Variants in B4GALNT3 observed in about 807,000 individuals in gnomAD.
The protein encoded by B4GALNT3 is beta-1,4-N-acetylgalactosaminyltransferase 3.
A neutral mutation model predicts 120.2 loss-of-function variants in B4GALNT3; 86 were observed. The ratio of observed to expected loss-of-function variants is 0.72; its 90% CI spans 0.60 to 0.86. The LOEUF (loss-of-function observed/expected upper bound fraction) is 0.86, where lower values mean the gene tolerates loss of function less well. Among genes scored for constraint, B4GALNT3 ranks in the 40% least tolerant of loss-of-function variants. The pLI, the probability that B4GALNT3 is intolerant of heterozygous loss-of-function variation, is 0.00. For synonymous variants in B4GALNT3, 518 were observed against 510.4 expected, an observed-to-expected ratio of 1.01 and a Z score of -0.20; for missense variants, 1,167 against 1,298.9, an observed-to-expected ratio of 0.90 and a Z score of 1.56.
chr12:541,624 G>A (rs1343917693), intron 3 of B4GALNT3, among the ~76,000 whole-genome samples: 2 of 152,172 alleles, frequency 1.3e-5, no homozygotes, highest in Non-Finnish European at 2.9e-5. Flanking sequence ...CAGCCTGAGA[G>A]TGGGGTGAAG....
At chr12:480,306 C>G (rs1449683047) in intron 1 of B4GALNT3, among the ~76,000 whole-genome samples, 1 of 152,170 alleles carries the variant, frequency 6.6e-6, no homozygotes, top group Non-Finnish European at 1.5e-5. Context: ...TAAGAATACT[C>G]TTGTGGGATT....
chr12:520,557 A>G (rs1946697945), intron 1 of B4GALNT3, among the ~76,000 whole-genome samples: 1 of 152,270 alleles, frequency 6.6e-6, no homozygotes. Flanking sequence ...AATCCTGCTC[A>G]GTAGTTTAAT....
rs562473338 is a variant in B4GALNT3, at chr12:462,699, A to G, written c.169+2154A>G. 9.3e-4 allele frequency among the ~76,000 whole-genome samples: 141 copies of G among 151,822 alleles called. 1 individual carries two copies. The highest frequency in any genetic ancestry group is 3.3e-3 in the African/African-American group (135 of 41,336). ...CCTCTTAGAACCCTGAAATTCATCT[A>G]TTGTGCAGGGTGTCTTTTTGTCCTG... On this transcript the variant is annotated intron_variant, in intron 1 of 19. Transcript: ENST00000266383.
At chr12:544,299 G>A in intron 3 of B4GALNT3, 40 bp from the exon 4 acceptor site, 1 of 1,592,980 alleles carries the variant, frequency 6.3e-7, no homozygotes, top group Non-Finnish European at 8.6e-7. Context: ...CGGGCATGGG[G>A]TGCTCACGCT....
Position 544,265 on chromosome 12 carries a change from C to T in B4GALNT3, c.352-74C>T. 3.5e-6 allele frequency: 5 copies of T among 1,420,610 alleles called. 1 individual carries two copies. Among genetic ancestry groups the T allele is most frequent in the South Asian group, 3.5e-5 (3 of 85,870 alleles). The allele number at this position is 1,420,610 out of a possible 1,614,324, so 88.0% of individuals were successfully genotyped here. A position where few individuals can be genotyped will look rare whatever the true frequency, so the allele number is the denominator to read the frequency against. The stretch of plus-strand genomic sequence containing the variant: ...TCTGGGGCGGGCATGGGATGCTCAT[C>T]CCCCTGGAGCTGAGGATCTGGGGCG... On this transcript the variant is annotated intron_variant, in intron 3 of 19. Transcript: ENST00000266383.
rs1212322421 is a variant in B4GALNT3, at chr12:535,271, T to C, written c.273+2T>C. 6.2e-7 allele frequency: 1 copy of C among 1,612,428 alleles called. No homozygotes were observed. Among genetic ancestry groups the C allele is most frequent in the African/African-American group, 1.3e-5 (1 of 74,822 alleles). ...CATCCCCAGAGGCTGAGCCTCGAGG[T>C]AGGTGACCAGCCAGTCCATTGTCCC... On this transcript the variant is annotated splice_donor_variant, in intron 2 of 19. Transcript: ENST00000266383. LOFTEE classifies it high-confidence loss of function.
At chr12:494,904 G>A (rs1162797127) in intron 1 of B4GALNT3, among the ~76,000 whole-genome samples, 9 of 152,154 alleles carry the variant, frequency 5.9e-5, no homozygotes, top group Admixed American at 4.6e-4. Context: ...GGTTTCACTC[G>A]TTAGGTTGAA....
chr12:480,472 G>T (rs215220), intron 1 of B4GALNT3, among the ~76,000 whole-genome samples: 110 of 80,744 alleles, frequency 1.4e-3, no homozygotes, highest in South Asian at 3.6e-3. Flanking sequence ...ATTACGGAAG[G>T]CTTGACGGCC....
At chr12:465,495 A>G (rs1180018372) in intron 1 of B4GALNT3, among the ~76,000 whole-genome samples, 1 of 149,828 alleles carries the variant, frequency 6.7e-6, no homozygotes, top group African/African-American at 2.5e-5. Flanking sequence ...AATACAGAAG[A>G]TAAGCGATAA....
Position 548,612 on chromosome 12 carries a change from G to C in B4GALNT3, c.853+315G>C, listed in dbSNP as rs11063534. On this transcript the variant is annotated intron_variant, in intron 9 of 19. Coordinates refer to ENST00000266383, the MANE Select transcript of B4GALNT3 (RefSeq NM_173593.4). This position sits in a 1 kb window ranked among gnomAD's most constrained non-coding sequence, Gnocchi z 4.9. Reference sequence around the variant, plus strand: ...GTCCAGAGACTGTGAGCTCACACCAGATCTAAAAACTCTGAGGCTGGGTGC... The same window carrying C: ...GTCCAGAGACTGTGAGCTCACACCACATCTAAAAACTCTGAGGCTGGGTGC... Among the ~76,000 whole-genome samples, 29,859 of 152,072 alleles carry C rather than the reference G, an allele frequency of 0.2. 3,131 individuals are homozygous for C. The highest frequency in any genetic ancestry group is 0.23 in the Non-Finnish European group (15,828 of 67,962).
intron 1 of B4GALNT3, among the ~76,000 whole-genome samples, chr12:486,192 A>G (rs1375579955): frequency 1.3e-5 from 2 of 149,668 alleles, no homozygotes; most frequent in Non-Finnish European, 1.5e-5. Context: ...ATTCTGAAAT[A>G]CACCAAAATA....
chr12:492,089 T>A (rs1175424126), intron 1 of B4GALNT3, among the ~76,000 whole-genome samples: 2 of 149,024 alleles, frequency 1.3e-5, no homozygotes, highest in Non-Finnish European at 3.0e-5. Context: ...GAAAGCCACC[T>A]CTCACTGCTC....
At chr12:557,508 T>C (rs1947171790) in intron 15 of B4GALNT3, 100 bp from the exon 16 acceptor site, 1 of 1,262,730 alleles carries the variant, frequency 7.9e-7, no homozygotes, top group Admixed American at 2.2e-5. Context: ...CGAGGTCCGA[T>C]GGGCACTCCT....
At chr12:520,723 G>C (rs764845069) in intron 1 of B4GALNT3, among the ~76,000 whole-genome samples, 1 of 94,550 alleles carries the variant, frequency 1.1e-5, no homozygotes, top group Non-Finnish European at 2.2e-5. Context: ...CCTGGGAGGC[G>C]GAGGTTGCAC....
chr12:529,686 G>C (rs1296665180), intron 1 of B4GALNT3, among the ~76,000 whole-genome samples: 1 of 152,180 alleles, frequency 6.6e-6, no homozygotes, highest in African/African-American at 2.4e-5. Context: ...ACTCGGTAAA[G>C]GTGAGCTGCT....
At chr12:555,863 A>G (rs900364719) in intron 14 of B4GALNT3, among the ~76,000 whole-genome samples, 1 of 151,714 alleles carries the variant, frequency 6.6e-6, no homozygotes, top group African/African-American at 2.4e-5. Context: ...CGACTCATGC[A>G]AGCTCCGCCT....
At chr12:561,065 T>C (rs1947225484) in intron 19 of B4GALNT3, among the ~76,000 whole-genome samples, 2 of 152,116 alleles carry the variant, frequency 1.3e-5, no homozygotes, top group Non-Finnish European at 2.9e-5. Flanking sequence ...TAATATTAGA[T>C]AGATAGAATT....
intron 13 of B4GALNT3, 21 bp downstream of exon 13, chr12:552,549 C>G (rs1220911260): frequency 6.2e-7 from 1 of 1,611,410 alleles, no homozygotes; most frequent in East Asian, 2.2e-5. Flanking sequence ...ACAGCTGAGG[C>G]TTCCAGGTCA....
At chr12:543,191 GAAC>G in intron 3 of B4GALNT3, 1 of 1,289,478 alleles carries the variant, frequency 7.8e-7, no homozygotes, top group African/African-American at 1.5e-5. Context: ...GCCATGGGGT[GAAC>G]ATCAGCACCA....
Sources: gnomAD v4.1 joint callset for allele counts (sites outside exome capture counted in the v4.1 genomes callset) on GRCh38, gnomAD v4.1.1 for gene constraint, Gnocchi (gnomAD v3.1) non-coding constraint, MANE v1.5 for transcripts, NCBI Gene and HGNC (gene_info 2026-07-23, HGNC 2026-07-21) for gene names.